LARS2: variants seen among roughly 807,000 people sequenced by gnomAD.
The protein encoded by LARS2 is leucine--tRNA ligase, mitochondrial.
LARS2 carries 81 observed loss-of-function variants against 116.6 expected under a neutral mutation model. That is an observed-to-expected ratio of 0.69 (90% CI 0.58 to 0.84). LARS2 has a LOEUF of 0.84. Among genes scored for constraint, LARS2 ranks in the 40% least tolerant of loss-of-function variants. LARS2 has a pLI of 0.00. For missense variants in LARS2, 968 were observed against 1,114.5 expected, an observed-to-expected ratio of 0.87 and a Z score of 1.87; for synonymous variants, 396 against 407.2, an observed-to-expected ratio of 0.97 and a Z score of 0.33.
At chr3:45,469,356 G>A (rs1699483152) in intron 8 of LARS2, among the ~76,000 whole-genome samples, 1 of 151,828 alleles carries the variant, frequency 6.6e-6, no homozygotes, top group South Asian at 2.1e-4. Flanking sequence ...CTTGTTTTTT[G>A]TTTTTTTGAG....
intron 5 of LARS2, among the ~76,000 whole-genome samples, chr3:45,417,928 C>T (rs955777968): frequency 1.3e-5 from 2 of 152,206 alleles, no homozygotes; most frequent in African/African-American, 4.8e-5. Flanking sequence ...CATAGTTTTA[C>T]TATATCCGAA....
In LARS2 at chr3:45,526,179, C is replaced by T. The variant is rs117384347; in HGVS notation, c.2404+2071C>T. On this transcript the variant is annotated intron_variant, in intron 20 of 21. Coordinates refer to ENST00000645846, the MANE Select transcript of LARS2 (RefSeq NM_015340.4). ...CTTTAAGGGAGACAATTTTTGAGTC[C>T]GATTTATGTTAGAAACCTCTTTATA... 7.2e-4 allele frequency among the ~76,000 whole-genome samples: 109 copies of T among 152,200 alleles called. 1 individual carries two copies. The East Asian group carries it at 0.019, about 27-fold the overall frequency.
At chr3:45,410,127 G>T (rs1698305204) in intron 4 of LARS2, among the ~76,000 whole-genome samples, 1 of 152,190 alleles carries the variant, frequency 6.6e-6, no homozygotes, top group Admixed American at 6.5e-5. Context: ...TTCTGACAAA[G>T]AAACCAAGTG....
At chr3:45,409,473 G>A (rs1199581789) in intron 4 of LARS2, among the ~76,000 whole-genome samples, 1 of 152,088 alleles carries the variant, frequency 6.6e-6, no homozygotes, top group African/African-American at 2.4e-5. Flanking sequence ...GGCTGGCAAG[G>A]GAAGCACCTA....
At chr3:45,397,413 A>G (rs967938708) in intron 3 of LARS2, among the ~76,000 whole-genome samples, 4 of 152,180 alleles carry the variant, frequency 2.6e-5, no homozygotes, top group Admixed American at 1.3e-4. Flanking sequence ...TTAGAAAACA[A>G]TACTTTTCTA....
chr3:45,426,956 G>A (rs6441915), intron 6 of LARS2, among the ~76,000 whole-genome samples: 135,802 of 151,918 alleles, frequency 0.89, 62,626 homozygotes, highest in East Asian at 1. Flanking sequence ...ATCTTGGTTC[G>A]TCTTGGAGAC....
At chr3:45,478,880 A>G (rs1404963289) in intron 10 of LARS2, among the ~76,000 whole-genome samples, 1 of 152,194 alleles carries the variant, frequency 6.6e-6, no homozygotes, top group Non-Finnish European at 1.5e-5. Flanking sequence ...CAAAAGATGA[A>G]TTCAGATTAC....
intron 6 of LARS2, among the ~76,000 whole-genome samples, chr3:45,444,091 G>A (rs1481922881): frequency 2.0e-5 from 3 of 147,718 alleles, no homozygotes; most frequent in Non-Finnish European, 4.5e-5. Flanking sequence ...TGCAAGCTCC[G>A]CCTCCTGGGT....
chr3:45,485,747 C>A lies in LARS2; in HGVS notation c.1074C>A (p.Val358=), dbSNP rs780269224. The change falls in exon 11 of 22, where the codon GTC becomes GTA. Residue 358 remains valine, a synonymous_variant. Coordinates refer to ENST00000645846, the MANE Select transcript of LARS2 (RefSeq NM_015340.4). ...VNMLTQQEVP[V]VILAKADLEG... is the part of the protein sequence containing the mutation. Reference sequence around the variant, plus strand: ...TGCTTACCCAGCAGGAGGTCCCTGTCGTTATTTTGGCCAAAGCTGACTTGG... The same window carrying A: ...TGCTTACCCAGCAGGAGGTCCCTGTAGTTATTTTGGCCAAAGCTGACTTGG... 1 of 1,611,914 alleles carries A rather than the reference C, an allele frequency of 6.2e-7. No individual in the cohort carries two copies. Among genetic ancestry groups the A allele is most frequent in the African/African-American group, 1.3e-5 (1 of 74,976 alleles).
intron 6 of LARS2, among the ~76,000 whole-genome samples, chr3:45,437,494 A>G (rs950505716): frequency 1.3e-5 from 2 of 152,242 alleles, no homozygotes; most frequent in African/African-American, 4.8e-5. Flanking sequence ...TGGTTGAAGA[A>G]AAAGGAATTA....
intron 20 of LARS2, among the ~76,000 whole-genome samples, chr3:45,528,410 G>T (rs914002552): frequency 1.3e-5 from 2 of 152,136 alleles, no homozygotes; most frequent in South Asian, 4.1e-4. Context: ...ACTTGTCTGT[G>T]TTGTGTTGTG....
intron 13 of LARS2, among the ~76,000 whole-genome samples, chr3:45,492,696 C>A (rs1018198665): frequency 3.9e-5 from 6 of 152,142 alleles, no homozygotes; most frequent in African/African-American, 1.4e-4. Context: ...CAAAAATAAC[C>A]CCATTGAAGG....
intron 14 of LARS2, among the ~76,000 whole-genome samples, chr3:45,498,133 T>C (rs1320758973): frequency 6.6e-6 from 1 of 152,170 alleles, no homozygotes; most frequent in Non-Finnish European, 1.5e-5. Flanking sequence ...CTCTTTCCTT[T>C]CTCAGAGTGC....
At chr3:45,506,017 A>G (rs1700196296) in intron 15 of LARS2, among the ~76,000 whole-genome samples, 1 of 152,132 alleles carries the variant, frequency 6.6e-6, no homozygotes, top group East Asian at 1.9e-4. Context: ...CAGATCCTCC[A>G]GGTAACACTT....
At chr3:45,403,897 C>T (rs1460420425) in intron 4 of LARS2, among the ~76,000 whole-genome samples, 1 of 152,188 alleles carries the variant, frequency 6.6e-6, no homozygotes, top group Non-Finnish European at 1.5e-5. Context: ...ATCCCACTTT[C>T]TTAATCTTTA....
rs756070753 is a variant in LARS2, at chr3:45,476,450, C to A, written c.859-18C>A. 6.2e-7 allele frequency: 1 copy of A among 1,613,874 alleles called. No individual in the cohort carries two copies. The highest frequency in any genetic ancestry group is 1.3e-5 in the African/African-American group (1 of 74,944). ...GGGAGGACTGAGAAATGACATCACTCTTCTTTCCTATCACCAGGTTCATGG... is the reference window on the plus strand; with the variant it reads ...GGGAGGACTGAGAAATGACATCACTATTCTTTCCTATCACCAGGTTCATGG... On this transcript the variant is annotated intron_variant, in intron 9 of 21. Transcript: ENST00000645846.
chr3:45,498,915 T>C (rs1700067813), intron 14 of LARS2, among the ~76,000 whole-genome samples: 1 of 152,258 alleles, frequency 6.6e-6, no homozygotes, highest in African/African-American at 2.4e-5. Flanking sequence ...ATATGTTGCA[T>C]CGCATTCAGT....
At chr3:45,538,078 G>A (rs1052172388) in intron 20 of LARS2, among the ~76,000 whole-genome samples, 1 of 152,158 alleles carries the variant, frequency 6.6e-6, no homozygotes, top group African/African-American at 2.4e-5. Context: ...TATTTTCCAC[G>A]CAAGTGTTAG....
intron 18 of LARS2, among the ~76,000 whole-genome samples, chr3:45,519,467 G>T (rs1700418700): frequency 6.8e-6 from 1 of 147,298 alleles, no homozygotes; most frequent in South Asian, 2.3e-4. Flanking sequence ...CTCCAACTTG[G>T]GTGACAAAGC....
Sources: allele counts gnomAD v4.1 joint callset (sites outside exome capture counted in the v4.1 genomes callset), GRCh38; gene constraint gnomAD v4.1.1; transcripts MANE v1.5; gene names NCBI Gene and HGNC (gene_info 2026-07-23, HGNC 2026-07-21).